Variants in ASTN2 observed in about 807,000 individuals in gnomAD.
ASTN2 encodes astrotactin-2.
A neutral mutation model predicts 139.8 loss-of-function variants in ASTN2; 54 were observed. The ratio of observed to expected loss-of-function variants is 0.39; its 90% CI spans 0.31 to 0.48. ASTN2 has a LOEUF of 0.48. Ranked by LOEUF, ASTN2 falls within the 20% of genes least tolerant of loss-of-function variation. ASTN2 has a pLI of 0.95. For missense variants in ASTN2, 1,565 were observed against 1,725.1 expected (o/e 0.91, Z 1.64); for synonymous variants, 756 against 719.5 (o/e 1.05, Z -0.81).
intron 7 of ASTN2, among the ~76,000 whole-genome samples, chr9:117,006,136 C>G (rs1421214665): frequency 6.6e-6 from 1 of 152,168 alleles, no homozygotes; most frequent in Admixed American, 6.5e-5. Flanking sequence ...GAAGGGCACA[C>G]TGTAAACACC....
chr9:116,798,636 A>G (rs1830761996), intron 13 of ASTN2, among the ~76,000 whole-genome samples: 1 of 152,240 alleles, frequency 6.6e-6, no homozygotes, highest in Non-Finnish European at 1.5e-5. Context: ...GCATCATAAG[A>G]TAGCATGTCT....
chr9:116,834,322 G>A (rs1831918263), intron 11 of ASTN2, among the ~76,000 whole-genome samples: 1 of 152,106 alleles, frequency 6.6e-6, no homozygotes, highest in African/African-American at 2.4e-5. Context: ...TGTTGATGGT[G>A]TTATTGAGTC....
At chr9:116,501,407 A>G (rs1849849149) in intron 19 of ASTN2, among the ~76,000 whole-genome samples, 12 of 152,142 alleles carry the variant, frequency 7.9e-5, no homozygotes, top group Admixed American at 7.9e-4. Context: ...GCTATGGTGA[A>G]TAGTGCCGCA....
At chr9:117,170,474 G>A (rs1348442010) in intron 3 of ASTN2, among the ~76,000 whole-genome samples, 1 of 152,120 alleles carries the variant, frequency 6.6e-6, no homozygotes, top group African/African-American at 2.4e-5. Context: ...CCTGCATGAA[G>A]CATGCTTTCT....
At chr9:117,200,996 C>T (rs1434978429) in intron 3 of ASTN2, among the ~76,000 whole-genome samples, 311 of 94,868 alleles carry the variant, frequency 3.3e-3, no homozygotes, top group South Asian at 5.1e-3. Context: ...TGGTCCTGGG[C>T]TTTTTTTTTT....
intron 1 of ASTN2, among the ~76,000 whole-genome samples, chr9:117,310,712 G>T (rs1286165679): frequency 6.6e-6 from 1 of 152,040 alleles, no homozygotes; most frequent in Non-Finnish European, 1.5e-5. Flanking sequence ...ACTCACTGCA[G>T]CCTGGACCTC....
At chr9:116,978,495 G>GCGCACACACACACACACA (rs762311934) in intron 7 of ASTN2, among the ~76,000 whole-genome samples, 12 of 127,640 alleles carry the variant, frequency 9.4e-5, no homozygotes, top group Non-Finnish European at 1.5e-4. Flanking sequence ...TCTCTCTCAC[G>GCGCACACACACACACACA]CACACACACA....
chr9:117,048,461 C>A (rs1337897166), intron 5 of ASTN2, among the ~76,000 whole-genome samples: 1 of 152,188 alleles, frequency 6.6e-6, no homozygotes, highest in Non-Finnish European at 1.5e-5. Context: ...AGCTCTGGTC[C>A]TGGGACAAAG....
intron 1 of ASTN2, among the ~76,000 whole-genome samples, chr9:117,294,501 A>G (rs1212753856): frequency 6.6e-6 from 1 of 152,248 alleles, no homozygotes; most frequent in Non-Finnish European, 1.5e-5. Flanking sequence ...TTATTCATTT[A>G]TTCATGCATT....
intron 3 of ASTN2, among the ~76,000 whole-genome samples, chr9:117,150,347 G>A (rs1830299518): frequency 6.6e-6 from 1 of 152,132 alleles, no homozygotes. Context: ...CTTACAAACT[G>A]AACTTCCACG....
At chr9:116,535,262 C>A (rs775882712) in intron 19 of ASTN2, among the ~76,000 whole-genome samples, 1 of 152,096 alleles carries the variant, frequency 6.6e-6, no homozygotes, top group Non-Finnish European at 1.5e-5. Flanking sequence ...TGTCTCTGCA[C>A]ATGAGATGGA....
At position 117,414,670 on chromosome 9, in the gene ASTN2, G is replaced by A. The variant is rs1831277401; in HGVS notation, c.269C>T (p.Ala90Val). 1.3e-5 allele frequency: 16 copies of A among 1,261,278 alleles called. No individual in the cohort carries two copies. Among genetic ancestry groups the A allele is most frequent in the South Asian group, 8.6e-5 (3 of 34,782 alleles). The allele number at this position is 1,261,278 out of a possible 1,614,324, so 78.1% of individuals were successfully genotyped here. A position where few individuals can be genotyped will look rare whatever the true frequency, so the allele number is the denominator to read the frequency against. ...GGCTCCGGCCCCGGTCCCAGCCCCG[G>A]CCCCGGCGCGGGCGCCGCTCCAGCC... ...DIGWSGARAG[A>V]GAGTGAGAAA... Residue 90 changes from alanine to valine, a missense_variant, in exon 1 of 23, where the codon GCC becomes GTC. Coordinates refer to ENST00000313400, the MANE Select transcript of ASTN2 (RefSeq NM_001365068.1). This position sits in a 1 kb window ranked among gnomAD's most constrained non-coding sequence, Gnocchi z 4.2.
At chr9:116,696,506 G>A (rs1276870667) in intron 16 of ASTN2, among the ~76,000 whole-genome samples, 2 of 152,076 alleles carry the variant, frequency 1.3e-5, no homozygotes, top group African/African-American at 2.4e-5. Context: ...TGTTAAGGTT[G>A]TGCCTTTTGC....
chr9:116,465,284 C>G (rs1200457808), intron 20 of ASTN2, among the ~76,000 whole-genome samples: 1 of 152,182 alleles, frequency 6.6e-6, no homozygotes, highest in Non-Finnish European at 1.5e-5. Context: ...AACCGGCTCC[C>G]TTTGCCCCAT....
At chr9:116,644,139 A>G (rs1399442389) in intron 17 of ASTN2, among the ~76,000 whole-genome samples, 3 of 152,152 alleles carry the variant, frequency 2.0e-5, no homozygotes, top group African/African-American at 4.8e-5. Context: ...GGTACTGGTA[A>G]TAACTGGGGG....
At chr9:116,456,984 G>A (rs1848351890) in intron 20 of ASTN2, among the ~76,000 whole-genome samples, 1 of 152,006 alleles carries the variant, frequency 6.6e-6, no homozygotes, top group Non-Finnish European at 1.5e-5. Context: ...AAACTGCATG[G>A]TACTGTCATA....
intron 2 of ASTN2, among the ~76,000 whole-genome samples, chr9:117,279,895 T>C (rs1212120068): frequency 6.6e-6 from 1 of 152,214 alleles, no homozygotes; most frequent in Non-Finnish European, 1.5e-5. Context: ...CTTCATACCA[T>C]CTTCCCCTGT....
chr9:116,615,875 A>T (rs1418418349), intron 19 of ASTN2, among the ~76,000 whole-genome samples: 4 of 151,966 alleles, frequency 2.6e-5, no homozygotes, highest in Non-Finnish European at 4.4e-5. Flanking sequence ...AAAGTATAAT[A>T]AAAAAAATAA....
intron 1 of ASTN2, among the ~76,000 whole-genome samples, chr9:117,409,174 A>G (rs1377532129): frequency 2.0e-5 from 3 of 152,162 alleles, no homozygotes; most frequent in African/African-American, 7.2e-5. Context: ...CCATCCCAGA[A>G]TCTTTCTCTC....
Sources: gnomAD v4.1 joint callset for allele counts (sites outside exome capture counted in the v4.1 genomes callset) on GRCh38, gnomAD v4.1.1 for gene constraint, Gnocchi (gnomAD v3.1) non-coding constraint, MANE v1.5 for transcripts, NCBI Gene and HGNC (gene_info 2026-07-23, HGNC 2026-07-21) for gene names.